The following CAPZB variants were observed in gnomAD, a reference collection of about 807,000 sequenced individuals.
The protein encoded by CAPZB is F-actin-capping protein subunit beta.
In CAPZB, 2 loss-of-function variants were observed where a neutral mutation model predicts 38.1. The observed-to-expected ratio is 0.05, with a 90% CI of 0.02 to 0.17. The LOEUF is 0.17. Ranked by LOEUF, CAPZB falls within the 10% of genes least tolerant of loss-of-function variation. The probability of loss-of-function intolerance (pLI) is 1.00; values close to 1 mark genes in which losing one functional copy is unlikely to be tolerated. For synonymous variants in CAPZB, 107 were observed against 127.4 expected, an observed-to-expected ratio of 0.84 and a Z score of 1.08; for missense variants, 161 against 334.2, an observed-to-expected ratio of 0.48 and a Z score of 4.04.
intron 1 of CAPZB, among the ~76,000 whole-genome samples, chr1:19,430,721 CGCACCT>C (rs1406699047): frequency 2.0e-4 from 31 of 152,258 alleles, no homozygotes; most frequent in Non-Finnish European, 5.9e-5. Flanking sequence ...CACCCGCACC[CGCACCT>C]GCACCCGCAC....
chr1:19,456,353 G>A (rs1329074441), intron 1 of CAPZB, among the ~76,000 whole-genome samples: 1 of 152,184 alleles, frequency 6.6e-6, no homozygotes, highest in Non-Finnish European at 1.5e-5. Flanking sequence ...TCTAAGAAGA[G>A]GGTCAGGTGC....
rs1278373152 is a variant in CAPZB, at chr1:19,366,613, G to A, written c.330-9050C>T. Among the ~76,000 whole-genome samples, 11 of 152,062 alleles carry A rather than the reference G, an allele frequency of 7.2e-5. No individual in the cohort carries two copies. In the East Asian group the frequency reaches 2.1e-3, roughly 30 times the overall value. On this transcript the variant is annotated intron_variant, in intron 4 of 8. Transcript: ENST00000264202. ...TGAGACAGGAGAATTGCTTGAACCC[G>A]GGAGGCAGAGGTTATAGTGCCTTGA...
chr1:19,419,624 G>C (rs746861365), intron 2 of CAPZB, 37 bp downstream of exon 2: 2 of 1,213,698 alleles, frequency 1.6e-6, no homozygotes, highest in African/African-American at 3.0e-5. Flanking sequence ...ACTCTTAGCC[G>C]CAGTCTCAAA....
At chr1:19,371,165 G>T (rs1362020973) in intron 4 of CAPZB, among the ~76,000 whole-genome samples, 1 of 152,186 alleles carries the variant, frequency 6.6e-6, no homozygotes, top group East Asian at 1.9e-4. Context: ...TTCCATTTTT[G>T]AGACAGAGAT....
intron 1 of CAPZB, among the ~76,000 whole-genome samples, chr1:19,476,171 G>C (rs1237074998): frequency 1.8e-3 from 4 of 2,186 alleles, no homozygotes; most frequent in Admixed American, 6.0e-3. Context: ...AAAATAAGTA[G>C]ATAGATAGAT....
intron 6 of CAPZB, among the ~76,000 whole-genome samples, chr1:19,348,789 A>T (rs1236914547): frequency 6.6e-6 from 1 of 151,164 alleles, no homozygotes; most frequent in East Asian, 1.9e-4. Flanking sequence ...TGAGGGCAAC[A>T]GTCCAGAACC....
intron 4 of CAPZB, among the ~76,000 whole-genome samples, chr1:19,378,324 C>T (rs2094154008): frequency 6.6e-6 from 1 of 152,166 alleles, no homozygotes; most frequent in African/African-American, 2.4e-5. Context: ...CATAACCAAC[C>T]CAACCACCAA....
chr1:19,474,336 A>G (rs760906551), intron 1 of CAPZB, among the ~76,000 whole-genome samples: 9 of 152,116 alleles, frequency 5.9e-5, no homozygotes, highest in Non-Finnish European at 1.3e-4. Flanking sequence ...ACTACCCTGG[A>G]AGAGGACAAT....
At chr1:19,434,418 T>TAA (rs202085180) in intron 1 of CAPZB, among the ~76,000 whole-genome samples, 138 of 146,570 alleles carry the variant, frequency 9.4e-4, no homozygotes, top group African/African-American at 3.3e-3. Context: ...TTCAATTAAA[T>TAA]AAAAAAAAAA....
chr1:19,366,064 C>T (rs1220049021), intron 4 of CAPZB, among the ~76,000 whole-genome samples: 3 of 151,708 alleles, frequency 2.0e-5, no homozygotes, highest in African/African-American at 7.3e-5. Context: ...ACGAGTCTTT[C>T]TTCTCCTACC....
chr1:19,458,647 T>C (rs556124895), intron 1 of CAPZB, among the ~76,000 whole-genome samples: 66 of 152,358 alleles, frequency 4.3e-4, no homozygotes, highest in Non-Finnish European at 7.8e-4. Flanking sequence ...TGAGCCACCA[T>C]GCCCAGCCTT....
chr1:19,455,176 A>AG (rs1027617257), intron 1 of CAPZB, among the ~76,000 whole-genome samples: 8 of 152,208 alleles, frequency 5.3e-5, no homozygotes, highest in African/African-American at 1.9e-4. Context: ...GGAGCAGGCA[A>AG]GGGTTCCTGG....
chr1:19,366,283 A>AATAAATAAATATATATATATATAT (rs71008151), intron 4 of CAPZB, among the ~76,000 whole-genome samples: 4 of 60,504 alleles, frequency 6.6e-5, no homozygotes, highest in Middle Eastern at 6.5e-3. Context: ...CGTGTCTTAA[A>AATAAATAAATATATATATATATAT]ATATATATAT....
chr1:19,458,121 A>T (rs910282755), intron 1 of CAPZB, among the ~76,000 whole-genome samples: 4 of 151,340 alleles, frequency 2.6e-5, no homozygotes, highest in African/African-American at 9.7e-5. Flanking sequence ...AAAAAACACT[A>T]AACTGGTGCA....
chr1:19,431,054 T>C (rs1056703795), intron 1 of CAPZB, among the ~76,000 whole-genome samples: 1 of 152,130 alleles, frequency 6.6e-6, no homozygotes, highest in Non-Finnish European at 1.5e-5. Context: ...CTAGAAACCA[T>C]ATAAACGGTG....
In CAPZB at chr1:19,361,514, C is replaced by T. The variant is rs145145332; in HGVS notation, c.330-3951G>A. Among the ~76,000 whole-genome samples, 339 of 152,348 alleles carry T rather than the reference C, an allele frequency of 2.2e-3. 6 individuals carry two copies. The East Asian group carries it at 0.041, about 18-fold the overall frequency. The stretch of plus-strand genomic sequence containing the variant: ...TCCTGCGAGTGCCATCAGGGCGCTC[C>T]GGCACCTTCAGGAGGGAGGTGACTG... On this transcript the variant is annotated intron_variant, in intron 4 of 8. Transcript: ENST00000264202.
intron 1 of CAPZB, among the ~76,000 whole-genome samples, chr1:19,466,991 G>A (rs2094571169): frequency 1.3e-5 from 2 of 152,048 alleles, no homozygotes; most frequent in Non-Finnish European, 1.5e-5. Context: ...TAACACACAA[G>A]CTCCAGGGAT....
rs1164984231 is a variant in CAPZB at position 19,385,554 on chromosome 1, C to T, written c.166G>A (p.Gly56Arg). 1 of 1,613,914 alleles carries T rather than the reference C, an allele frequency of 6.2e-7. No individual in the cohort carries two copies. Among genetic ancestry groups the T allele is most frequent in the Admixed American group, 1.7e-5 (1 of 60,006 alleles). Residue 56 changes from glycine to arginine, a missense_variant, in exon 3 of 9, where the codon GGA becomes AGA. Gly to Arg is a moderately radical substitution (Grantham distance 125). Coordinates refer to ENST00000264202, the MANE Select transcript of CAPZB (RefSeq NM_004930.5). ...PLKIARDKVVGKDYLLCDYNR... is the reference protein window; with the variant it reads ...PLKIARDKVVRKDYLLCDYNR... ...TAGTCACACAAAAGGTAATCCTTTC[C>T]CACCACCTTGTCTCTGGCAATTTTC...
chr1:19,475,319 A>C (rs1382928736), intron 1 of CAPZB, among the ~76,000 whole-genome samples: 1 of 152,174 alleles, frequency 6.6e-6, no homozygotes, highest in Non-Finnish European at 1.5e-5. Flanking sequence ...CTGGCTCCAG[A>C]GTCTGCCCTT....
Sources: gnomAD v4.1 joint callset for allele counts (sites outside exome capture counted in the v4.1 genomes callset) on GRCh38, gnomAD v4.1.1 for gene constraint, MANE v1.5 for transcripts, NCBI Gene and HGNC (gene_info 2026-07-23, HGNC 2026-07-21) for gene names.